The following RHOBTB1 variants were observed in gnomAD, a reference collection of about 807,000 sequenced individuals.
RHOBTB1 encodes the protein rho-related BTB domain-containing protein 1.
Under a neutral mutation model 71.6 loss-of-function variants are expected in RHOBTB1, and 40 were observed. That is an observed-to-expected ratio of 0.56 (90% CI 0.43 to 0.73). RHOBTB1 has a LOEUF of 0.73. Ranked by LOEUF, RHOBTB1 falls within the 30% of genes least tolerant of loss-of-function variation. RHOBTB1 has a pLI of 0.00. For synonymous variants in RHOBTB1, 319 were observed against 334.9 expected (o/e 0.95, Z 0.52); for missense variants, 797 against 894.0 (o/e 0.89, Z 1.38).
At chr10:60,904,591 C>T (rs1297790748) in intron 4 of RHOBTB1, among the ~76,000 whole-genome samples, 1 of 152,184 alleles carries the variant, frequency 6.6e-6, no homozygotes, top group Admixed American at 6.5e-5. Context: ...AAATTCTTCC[C>T]TTCTGGCTGA....
At chr10:61,001,732 C>A (rs1257701210), upstream of RHOBTB1, among the ~76,000 whole-genome samples, 2 of 152,190 alleles carry the variant, frequency 1.3e-5, no homozygotes, top group African/African-American at 4.8e-5. Context: ...AGGGCTGTCA[C>A]CCGCTGGCGC....
intron 4 of RHOBTB1, among the ~76,000 whole-genome samples, chr10:60,903,271 GCAAATACTTT>G (rs2082496155): frequency 1.3e-5 from 2 of 152,154 alleles, no homozygotes; most frequent in Non-Finnish European, 2.9e-5. Context: ...GCACAGAACT[GCAAATACTTT>G]GTTATGTCTG....
chr10:60,877,982 T>A lies in RHOBTB1; in HGVS notation c.1652A>T (p.Asn551Ile). The A allele has an allele frequency of 6.2e-7, 1 of 1,613,914 alleles. No individual in the cohort carries two copies. The highest frequency in any genetic ancestry group is 8.5e-7 in the Non-Finnish European group (1 of 1,179,818). Residue 551 changes from asparagine to isoleucine, a missense_variant, in exon 8 of 11, where the codon AAC (asparagine) becomes ATC (isoleucine). Coordinates refer to ENST00000337910, the MANE Select transcript of RHOBTB1 (RefSeq NM_014836.5). Reference sequence around the variant, plus strand: ...TAATTCCAGCGGGTCCAGATCCAAGTTAGGAGACAACTGCTTGGTATAGAG... The same window carrying A: ...TAATTCCAGCGGGTCCAGATCCAAGATAGGAGACAACTGCTTGGTATAGAG... ...DYLYTKQLSP[N>I]LDLDPLELIA...
chr10:60,909,740 T>A (rs373107461), intron 4 of RHOBTB1, among the ~76,000 whole-genome samples: 2 of 152,204 alleles, frequency 1.3e-5, no homozygotes, highest in Non-Finnish European at 2.9e-5. Flanking sequence ...ATCTATGATG[T>A]AGGATACTAA....
At chr10:60,958,595 T>G (rs2085673267) in intron 2 of RHOBTB1, among the ~76,000 whole-genome samples, 2 of 152,080 alleles carry the variant, frequency 1.3e-5, no homozygotes, top group East Asian at 1.9e-4. Flanking sequence ...CTTTTTGGGT[T>G]TATGTTGTTG....
chr10:60,887,153 AT>A (rs1451201853), intron 6 of RHOBTB1, among the ~76,000 whole-genome samples: 2 of 151,512 alleles, frequency 1.3e-5, no homozygotes, highest in Non-Finnish European at 2.9e-5. Context: ...GGAGGAGGTG[AT>A]TTAATCAACT....
At chr10:60,912,531 C>A (rs745605024) in intron 2 of RHOBTB1, among the ~76,000 whole-genome samples, 13 of 152,112 alleles carry the variant, frequency 8.5e-5, no homozygotes, top group Admixed American at 2.0e-4. Flanking sequence ...CCATGCCTAG[C>A]CTTAAAAAAG....
intron 2 of RHOBTB1, among the ~76,000 whole-genome samples, chr10:60,953,161 A>G (rs1252218929): frequency 6.6e-6 from 1 of 152,242 alleles, no homozygotes; most frequent in Non-Finnish European, 1.5e-5. Flanking sequence ...TCATTTAAAT[A>G]TATGGACAAC....
Position 60,888,911 on chromosome 10 carries a change from T to C in RHOBTB1, c.757A>G (p.Thr253Ala). The change falls in exon 6 of 11, where the codon ACA (threonine) becomes GCA (alanine). Residue 253 changes from threonine to alanine, a missense_variant. Physicochemically the swap from Thr to Ala is moderately conservative, Grantham distance 58 (BLOSUM62 0). This residue lies in a region of RHOBTB1 where 658 missense variants were observed against 681.5 expected (regional missense o/e 0.97). Coordinates refer to ENST00000337910, the MANE Select transcript of RHOBTB1 (RefSeq NM_014836.5). ...IKIPECPSMGTNEAACLLDNP... is the reference protein window; with the variant it reads ...IKIPECPSMGANEAACLLDNP... Reference sequence around the variant, plus strand: ...TCCAGTAAACAGGCAGCTTCATTTGTCCCCATGGAAGGACACTCTGGAATT... The same window carrying C: ...TCCAGTAAACAGGCAGCTTCATTTGCCCCCATGGAAGGACACTCTGGAATT... 1 of 1,614,146 alleles carries C rather than the reference T, an allele frequency of 6.2e-7. No individual in the cohort carries two copies. The highest frequency in any genetic ancestry group is 1.3e-5 in the African/African-American group (1 of 75,022).
chr10:60,902,722 A>G (rs866074060), intron 4 of RHOBTB1, among the ~76,000 whole-genome samples: 1 of 152,216 alleles, frequency 6.6e-6, no homozygotes, highest in Non-Finnish European at 1.5e-5. Context: ...TTCCATCTTC[A>G]TCACCTGCAG....
intron 2 of RHOBTB1, among the ~76,000 whole-genome samples, chr10:60,957,485 T>A (rs1251223222): frequency 6.6e-6 from 1 of 152,178 alleles, no homozygotes; most frequent in Admixed American, 6.5e-5. Flanking sequence ...GGTGCAGGAC[T>A]GTAGTCTTCT....
At position 60,929,065 on chromosome 10, in the gene RHOBTB1, T is replaced by C. The variant is rs1165583647; in HGVS notation, c.-11+12739A>G. On this transcript the variant is annotated intron_variant, in intron 2 of 10. Coordinates refer to ENST00000337910, the MANE Select transcript of RHOBTB1 (RefSeq NM_014836.5). ...TGCTATACACTTTTAAACAATCAGA[T>C]CTCCTGAGAACTCCAATATGAGAAT... 3.9e-5 allele frequency among the ~76,000 whole-genome samples: 6 copies of C among 151,918 alleles called. No individual in the cohort carries two copies. The East Asian group carries it at 1.2e-3, about 29-fold the overall frequency.
intron 4 of RHOBTB1, among the ~76,000 whole-genome samples, chr10:60,899,133 C>T (rs10994566): frequency 0.28 from 42,717 of 152,066 alleles, 6,320 homozygotes; most frequent in East Asian, 0.55. Flanking sequence ...ATCATACTCC[C>T]GTTAGTTTAT....
rs1244260686 is a variant in RHOBTB1 at position 60,871,466 on chromosome 10, T to C, written c.*16A>G. ...TACCGATTGGTTTCTGTTTTTTGTTTTTTTTCTCTTCCTCTTCAGGCCACT... is the reference window on the plus strand; with the variant it reads ...TACCGATTGGTTTCTGTTTTTTGTTCTTTTTCTCTTCCTCTTCAGGCCACT... On this transcript the variant is annotated 3_prime_UTR_variant, in exon 11 of 11. Coordinates refer to ENST00000337910, the MANE Select transcript of RHOBTB1 (RefSeq NM_014836.5). The C allele has an allele frequency of 1.2e-6, 2 of 1,608,814 alleles. No individual in the cohort carries two copies. The highest frequency in any genetic ancestry group is 1.7e-6 in the Non-Finnish European group (2 of 1,178,052).
chr10:60,863,236 C>T, the RHOBTB1 span, among the ~76,000 whole-genome samples: 1 of 152,084 alleles, frequency 6.6e-6, no homozygotes, highest in East Asian at 1.9e-4. Flanking sequence ...TTAATGAAGC[C>T]CTTTCAAATA....
intron 2 of RHOBTB1, 73 bp from the exon 3 acceptor site, chr10:60,911,625 A>C: frequency 7.6e-7 from 1 of 1,308,418 alleles, no homozygotes; most frequent in Non-Finnish European, 1.1e-6. Context: ...TAAGAGGTTC[A>C]GGGAGTTTTG....
chr10:60,861,684 G>A, the RHOBTB1 span, among the ~76,000 whole-genome samples: 1 of 152,044 alleles, frequency 6.6e-6, no homozygotes, highest in African/African-American at 2.4e-5. Flanking sequence ...TGCCATTTTT[G>A]GAAAGAGCTA....
intron 2 of RHOBTB1, among the ~76,000 whole-genome samples, chr10:60,929,610 G>C (rs2084109362): frequency 6.6e-6 from 1 of 152,104 alleles, no homozygotes; most frequent in African/African-American, 2.4e-5. Context: ...TTTGAATTTA[G>C]TTACAAAATG....
At chr10:60,963,038 T>G (rs922436363) in intron 2 of RHOBTB1, among the ~76,000 whole-genome samples, 2 of 152,160 alleles carry the variant, frequency 1.3e-5, no homozygotes, top group African/African-American at 4.8e-5. Context: ...GCTACAGATG[T>G]GATGGCAGAA....
Sources: gnomAD v4.1 joint callset for allele counts (sites outside exome capture counted in the v4.1 genomes callset) on GRCh38, gnomAD v4.1.1 for gene constraint, gnomAD v4.1.1 regional missense constraint, MANE v1.5 for transcripts, NCBI Gene and HGNC (gene_info 2026-07-23, HGNC 2026-07-21) for gene names.